ITGB3: variants seen among roughly 807,000 people sequenced by gnomAD.
ITGB3 encodes the protein integrin beta-3.
Under a neutral mutation model 85.8 loss-of-function variants are expected in ITGB3, and 48 were observed. The observed-to-expected ratio is 0.56, with a 90% CI of 0.44 to 0.71. The LOEUF is 0.71. Ranked by LOEUF, ITGB3 falls within the 30% of genes least tolerant of loss-of-function variation. The probability of loss-of-function intolerance (pLI) is 0.00; values close to 1 mark genes in which losing one functional copy is unlikely to be tolerated. For missense variants in ITGB3, 861 were observed against 1,019.1 expected (o/e 0.84, Z 2.11); for synonymous variants, 363 against 395.6 (o/e 0.92, Z 0.98).
chr17:47,309,119 C>T (rs1329231257), intron 14 of ITGB3, among the ~76,000 whole-genome samples: 1 of 151,480 alleles, frequency 6.6e-6, no homozygotes, highest in Non-Finnish European at 1.5e-5. Context: ...GCCATCATGG[C>T]TCAATGCAGC....
In ITGB3 at chr17:47,286,348, A is replaced by C. The variant is rs1315914828; in HGVS notation, c.703A>C (p.Lys235Gln). ...GACCCGCTTCAATGAGGAAGTGAAG[A>C]AGCAGAGTGTGTCACGGAACCGAGA... ...QVTRFNEEVK[K>Q]QSVSRNRDAP... The change falls in exon 5 of 15, where the codon AAG (lysine) becomes CAG (glutamine). Residue 235 changes from lysine to glutamine, a missense_variant. Transcript: ENST00000559488. 5 of 1,614,080 alleles carry C rather than the reference A, an allele frequency of 3.1e-6. No individual in the cohort carries two copies. Among genetic ancestry groups the C allele is most frequent in the Non-Finnish European group, 3.4e-6 (4 of 1,180,040 alleles).
rs573591665 is a variant in ITGB3, at chr17:47,257,874, T to A, written c.79+3934T>A. Among the ~76,000 whole-genome samples, 3 of 151,858 alleles carry A rather than the reference T, an allele frequency of 2.0e-5. No homozygotes were observed. In the South Asian group the frequency reaches 6.3e-4, roughly 32 times the overall value. ...GGGCAAGGGTGAGGAGTGACAGAGGTCTCCTGGGAAGACCATAAGATGGGG... is the reference window on the plus strand; with the variant it reads ...GGGCAAGGGTGAGGAGTGACAGAGGACTCCTGGGAAGACCATAAGATGGGG... On this transcript the variant is annotated intron_variant, in intron 1 of 14. Coordinates refer to ENST00000559488, the MANE Select transcript of ITGB3 (RefSeq NM_000212.3).
intron 2 of ITGB3, among the ~76,000 whole-genome samples, chr17:47,277,697 G>A (rs920985200): frequency 6.6e-6 from 1 of 152,180 alleles, no homozygotes; most frequent in Non-Finnish European, 1.5e-5. Context: ...CTACAGTGGA[G>A]GGAAATACTA....
At chr17:47,268,818 G>A (rs1041271492) in intron 1 of ITGB3, among the ~76,000 whole-genome samples, 1 of 152,206 alleles carries the variant, frequency 6.6e-6, no homozygotes, top group Non-Finnish European at 1.5e-5. Context: ...GTGCCCGAGT[G>A]GGGGGCTCTA....
intron 10 of ITGB3, among the ~76,000 whole-genome samples, chr17:47,294,002 G>T (rs569994211): frequency 2.7e-4 from 41 of 152,304 alleles, no homozygotes; most frequent in African/African-American, 9.9e-4. Context: ...AGGTCGATCT[G>T]TGTCTTTCTA....
In ITGB3 at chr17:47,302,791, C is replaced by G. The variant is rs373450805; in HGVS notation, c.2085C>G (p.Tyr695Ter). 1.9e-6 allele frequency: 3 copies of G among 1,613,888 alleles called. No homozygotes were observed. Among genetic ancestry groups the G allele is most frequent in the Non-Finnish European group, 2.5e-6 (3 of 1,179,878 alleles). ...ATGACTGTGTCGTCAGATTCCAGTACTATGAAGATTCTAGTGGAAAGTCCA... is the reference window on the plus strand; with the variant it reads ...ATGACTGTGTCGTCAGATTCCAGTAGTATGAAGATTCTAGTGGAAAGTCCA... ...NEDDCVVRFQ[Y>*]YEDSSGKSIL... Residue 695 changes from tyrosine (Y) to a stop codon, truncating the protein, a stop_gained, in exon 13 of 15, where the codon TAC (tyrosine) becomes TAG (stop). Coordinates refer to ENST00000559488, the MANE Select transcript of ITGB3 (RefSeq NM_000212.3). LOFTEE classifies it high-confidence loss of function.
At chr17:47,271,595 G>A (rs1008578017) in intron 1 of ITGB3, among the ~76,000 whole-genome samples, 3 of 152,178 alleles carry the variant, frequency 2.0e-5, no homozygotes, top group Admixed American at 2.0e-4. Flanking sequence ...TGGTATTGTT[G>A]TTGGATAAGA....
chr17:47,284,337 T>C (rs1204589992), intron 3 of ITGB3, 106 bp from the exon 4 acceptor site: 6 of 1,335,532 alleles, frequency 4.5e-6, no homozygotes, highest in Non-Finnish European at 5.3e-6. Flanking sequence ...CAGGGCTTTC[T>C]GGTTTGCTTT....
chr17:47,300,516 T>C lies in ITGB3; in HGVS notation c.1952T>C (p.Leu651Pro). ...VECKKFDRGA[L>P]HDENTCNRYC... ...TGTAAGAAGTTTGACCGGGGAGCCC[T>C]ACATGACGAAAATACCTGCAACCGT... is the stretch of plus-strand genomic sequence containing the variant. Residue 651 changes from leucine (L) to proline (P), a missense_variant, in exon 12 of 15, where the codon CTA becomes CCA. Leu to Pro is a moderately conservative substitution (Grantham distance 98). Transcript: ENST00000559488. 1 of 1,614,134 alleles carries C rather than the reference T, an allele frequency of 6.2e-7. No individual in the cohort carries two copies. Among genetic ancestry groups the C allele is most frequent in the South Asian group, 1.1e-5 (1 of 91,082 alleles).
intron 9 of ITGB3, among the ~76,000 whole-genome samples, 188 bp from the exon 10 acceptor site, chr17:47,291,951 T>A (rs941352181): frequency 2.6e-5 from 4 of 152,244 alleles, no homozygotes; most frequent in African/African-American, 9.6e-5. Context: ...ACGATACTAT[T>A]CCCGTGCTTG....
Position 47,290,074 on chromosome 17 carries a change from C to T in ITGB3, c.1036-111C>T, listed in dbSNP as rs546300611. The T allele has an allele frequency of 2.4e-3, 2,113 of 875,382 alleles. 42 individuals carry two copies. In the South Asian group the frequency reaches 0.026, roughly 11 times the overall value. The allele number at this position is 875,382 out of a possible 1,614,324, so 54.2% of individuals were successfully genotyped here. On this transcript the variant is annotated intron_variant, in intron 7 of 14. Coordinates refer to ENST00000559488, the MANE Select transcript of ITGB3 (RefSeq NM_000212.3). The stretch of plus-strand genomic sequence containing the variant: ...CCTGGCAGTGACAATTGAAATATCC[C>T]GTACCTTCCTCCAATCTTCATCTCA...
intron 11 of ITGB3, 141 bp from the exon 12 acceptor site, chr17:47,300,337 G>A (rs1046369996): frequency 2.1e-5 from 12 of 574,258 alleles, no homozygotes; most frequent in East Asian, 6.2e-5. Flanking sequence ...TCTTACAGGC[G>A]CGCGCGCGCG....
intron 4 of ITGB3, among the ~76,000 whole-genome samples, chr17:47,285,255 T>C (rs1426233866): frequency 6.6e-6 from 1 of 152,240 alleles, no homozygotes; most frequent in Non-Finnish European, 1.5e-5. Flanking sequence ...TGCAAATCCA[T>C]GTATTAGAAT....
intron 14 of ITGB3, among the ~76,000 whole-genome samples, chr17:47,308,189 A>ATAATAATAATAATAAT (rs1555574002): frequency 8.6e-4 from 115 of 134,228 alleles, no homozygotes; most frequent in Non-Finnish European, 1.5e-3. Flanking sequence ...AATAATAATA[A>ATAATAATAATAATAAT]AATAAAATAA....
At chr17:47,280,700 C>G (rs1040545117) in intron 2 of ITGB3, among the ~76,000 whole-genome samples, 1 of 152,054 alleles carries the variant, frequency 6.6e-6, no homozygotes, top group African/African-American at 2.4e-5. Context: ...GTGGCCCAGT[C>G]CCTCTTCTGG....
At chr17:47,265,042 G>A (rs2065020667) in intron 1 of ITGB3, among the ~76,000 whole-genome samples, 1 of 152,208 alleles carries the variant, frequency 6.6e-6, no homozygotes. Flanking sequence ...GGCACAGGTA[G>A]ATGCTCAATG....
chr17:47,306,619 A>C (rs1340865384), intron 13 of ITGB3, among the ~76,000 whole-genome samples: 2 of 152,102 alleles, frequency 1.3e-5, no homozygotes, highest in African/African-American at 4.8e-5. Context: ...TTTTAGGGGG[A>C]GAATCTCCTG....
intron 11 of ITGB3, among the ~76,000 whole-genome samples, chr17:47,300,226 T>C (rs1416615102): frequency 1.3e-5 from 2 of 152,166 alleles, no homozygotes; most frequent in South Asian, 2.1e-4. Flanking sequence ...GGAAGTTTAA[T>C]GAAGGACCTG....
intron 2 of ITGB3, 78 bp from the exon 3 acceptor site, chr17:47,283,276 A>G: frequency 7.3e-7 from 1 of 1,369,828 alleles, no homozygotes; most frequent in Non-Finnish European, 1.0e-6. Flanking sequence ...AGCTATTGGG[A>G]AGTGGTAGGG....
Sources: allele counts gnomAD v4.1 joint callset (sites outside exome capture counted in the v4.1 genomes callset), GRCh38; gene constraint gnomAD v4.1.1; transcripts MANE v1.5; gene names NCBI Gene and HGNC (gene_info 2026-07-23, HGNC 2026-07-21).